Variants in COL5A1 observed in about 807,000 individuals in gnomAD.
COL5A1 encodes the protein collagen alpha-1(V) chain.
COL5A1 carries 16 observed loss-of-function variants against 263.7 expected under a neutral mutation model. The observed-to-expected ratio is 0.06, with a 90% confidence interval of 0.04 to 0.09. The LOEUF is 0.09. Ranked by LOEUF, COL5A1 falls within the 10% of genes least tolerant of loss-of-function variation. The probability of loss-of-function intolerance (pLI) is 1.00; values close to 1 mark genes in which losing one functional copy is unlikely to be tolerated. For synonymous variants in COL5A1, 1,012 were observed against 1,004.5 expected (o/e 1.01, Z -0.14); for missense variants, 2,036 against 2,540.5 (o/e 0.80, Z 4.27).
At chr9:134,759,477 CCACA>C (rs547817958) in intron 18 of COL5A1, among the ~76,000 whole-genome samples, 3 of 102,802 alleles carry the variant, frequency 2.9e-5, no homozygotes, top group East Asian at 4.6e-4. Flanking sequence ...GCACACACAC[CCACA>C]CACACCCACA....
chr9:134,791,729 C>G (rs1022315096), intron 32 of COL5A1, among the ~76,000 whole-genome samples: 1 of 135,756 alleles, frequency 7.4e-6, no homozygotes, highest in South Asian at 2.4e-4. Flanking sequence ...CGCCCTTGGC[C>G]GCCCTTCTTT....
chr9:134,726,691 G>C lies in COL5A1; in HGVS notation c.655-575G>C, dbSNP rs1834666865. Among the ~76,000 whole-genome samples the C allele has an allele frequency of 2.6e-5, 4 of 151,240 alleles. No homozygotes were observed. In the South Asian group the frequency reaches 8.4e-4, roughly 32 times the overall value. The stretch of plus-strand genomic sequence containing the variant: ...GAATGGATGGATGGGTGAATGGATG[G>C]AAGGACTGGTAGATGTAGATGGATA... On this transcript the variant is annotated intron_variant, in intron 4 of 65. Transcript: ENST00000371817.
chr9:134,792,881 ACGTGTGTGTGCGCGCGTGTGTGCACG>A (rs1222331134), intron 32 of COL5A1, among the ~76,000 whole-genome samples: 1 of 30,506 alleles, frequency 3.3e-5, no homozygotes, highest in East Asian at 4.5e-4. Context: ...GTTTGTGCAC[ACGTGTGTGTGCGCGCGTGTGTGCACG>A]CGCGTGTGTG....
chr9:134,785,147 C>T (rs1485070803), intron 30 of COL5A1, 51 bp downstream of exon 30: 2 of 1,482,364 alleles, frequency 1.3e-6, no homozygotes, highest in South Asian at 1.1e-5. Flanking sequence ...TCTGACAGGC[C>T]CTTCCCCATG....
In COL5A1 at chr9:134,754,074, G is replaced by A. The variant is rs1835888303; in HGVS notation, c.1773+171G>A. On this transcript the variant is annotated intron_variant, in intron 15 of 65. Transcript: ENST00000371817. This position sits in a 1 kb window ranked among gnomAD's most constrained non-coding sequence, Gnocchi z 4.3. ...GAGCACAATGAACTCTGACACCTGC[G>A]GCAGAAATGAGCTGGCTGTATTCTG... Among the ~76,000 whole-genome samples, 4 of 152,334 alleles carry A rather than the reference G, an allele frequency of 2.6e-5. No homozygotes were observed. The highest frequency in any genetic ancestry group is 7.2e-5 in the African/African-American group (3 of 41,582).
intron 37 of COL5A1, among the ~76,000 whole-genome samples, chr9:134,800,388 C>T (rs375100769): frequency 3.9e-5 from 6 of 152,186 alleles, no homozygotes; most frequent in South Asian, 2.1e-4. Flanking sequence ...ACATTAGAAA[C>T]GATCATTCTA....
Position 134,835,097 on chromosome 9 carries a change from G to A in COL5A1, c.5263G>A (p.Ala1755Thr), listed in dbSNP as rs776748227. Residue 1755 changes from alanine to threonine, a missense_variant, in exon 65 of 66, where the codon GCA becomes ACA. Ala to Thr is a moderately conservative substitution (Grantham distance 58). Transcript: ENST00000371817. ...CTACCAGTCAGTGGCCTGGCAGGAC[G>A]CAGCCACGGGCAGCTACGACAAGGC... ...HCYQSVAWQD[A>T]ATGSYDKALR... 136 of 1,613,470 alleles carry A rather than the reference G, an allele frequency of 8.4e-5. 2 individuals carry two copies. The East Asian group carries it at 2.6e-3, about 31-fold the overall frequency.
intron 4 of COL5A1, among the ~76,000 whole-genome samples, chr9:134,712,674 TCTG>T: frequency 7.8e-6 from 1 of 128,168 alleles, no homozygotes; most frequent in South Asian, 3.1e-4. Flanking sequence ...ACCCCTTCCT[TCTG>T]CCCTCCTCCA....
At position 134,665,547 on chromosome 9, in the gene COL5A1, G is replaced by A. The variant is rs111719942; in HGVS notation, c.109+23251G>A. ...GGGATGCATACAAATTGGGACTCGT[G>A]TGTAGTTTCTGTAGAGTGGACGGCT... On this transcript the variant is annotated intron_variant, in intron 1 of 65. Coordinates refer to ENST00000371817, the MANE Select transcript of COL5A1 (RefSeq NM_000093.5). Among the ~76,000 whole-genome samples the A allele has an allele frequency of 4.6e-3, 707 of 152,366 alleles. 4 individuals are homozygous for A. Among genetic ancestry groups the A allele is most frequent in the African/African-American group, 0.016 (676 of 41,588 alleles).
Position 134,681,964 on chromosome 9 carries a change from T to C in COL5A1, c.110-8948T>C, listed in dbSNP as rs1832872381. On this transcript the variant is annotated intron_variant, in intron 1 of 65. Coordinates refer to ENST00000371817, the MANE Select transcript of COL5A1 (RefSeq NM_000093.5). This position sits in a 1 kb window ranked among gnomAD's most constrained non-coding sequence, Gnocchi z 4.3. The stretch of plus-strand genomic sequence containing the variant: ...CTCTCTCCCCATCTCTCCCTCCCTC[T>C]CTCTCTCTCTTGCTCTCTGTCTGTC... Among the ~76,000 whole-genome samples the C allele has an allele frequency of 6.6e-6, 1 of 152,024 alleles. No homozygotes were observed. Among genetic ancestry groups the C allele is most frequent in the Non-Finnish European group, 1.5e-5 (1 of 67,994 alleles).
chr9:134,829,482 G>A (rs1411052112), intron 63 of COL5A1, among the ~76,000 whole-genome samples: 1 of 150,122 alleles, frequency 6.7e-6, no homozygotes, highest in Non-Finnish European at 1.5e-5. Context: ...GAGGGCCCAG[G>A]CCGGGCTCCT....
chr9:134,732,068 C>T lies in COL5A1; in HGVS notation c.1333-3C>T, dbSNP rs1238061655. ...CTTTCCATCTGCCTTTTATCACCCC[C>T]AGATTGGAGGACCTCGGGGCGAGAA... On this transcript the variant is annotated splice_polypyrimidine_tract_variant and splice_region_variant and intron_variant, in intron 8 of 65. Coordinates refer to ENST00000371817, the MANE Select transcript of COL5A1 (RefSeq NM_000093.5). 1 of 1,613,968 alleles carries T rather than the reference C, an allele frequency of 6.2e-7. No homozygotes were observed. The highest frequency in any genetic ancestry group is 8.5e-7 in the Non-Finnish European group (1 of 1,179,902).
intron 63 of COL5A1, among the ~76,000 whole-genome samples, chr9:134,828,779 TACAC>T (rs1170830813): frequency 1.4e-5 from 2 of 143,000 alleles, no homozygotes; most frequent in Admixed American, 7.0e-5. Flanking sequence ...ACATCACAGA[TACAC>T]ACCATACACA....
At chr9:134,717,683 T>C (rs1400632820) in intron 4 of COL5A1, among the ~76,000 whole-genome samples, 1 of 152,236 alleles carries the variant, frequency 6.6e-6, no homozygotes, top group Non-Finnish European at 1.5e-5. Context: ...ATGGACAACA[T>C]GCTTGCCGAC....
intron 11 of COL5A1, among the ~76,000 whole-genome samples, chr9:134,743,627 A>G (rs532075228): frequency 9.5e-4 from 145 of 152,276 alleles, no homozygotes; most frequent in African/African-American, 3.1e-3. Context: ...CTCCCTGCAC[A>G]GTGGGATGCA....
At chr9:134,670,367 C>T (rs1424199278) in intron 1 of COL5A1, among the ~76,000 whole-genome samples, 1 of 152,250 alleles carries the variant, frequency 6.6e-6, no homozygotes, top group African/African-American at 2.4e-5. Flanking sequence ...TTCCAACCAA[C>T]AGGCAGTTGT....
At position 134,813,738 on chromosome 9, in the gene COL5A1, A is replaced by G. The variant is rs1014064952; in HGVS notation, c.3853-245A>G. Among the ~76,000 whole-genome samples, 48 of 152,240 alleles carry G rather than the reference A, an allele frequency of 3.2e-4. 1 individual carries two copies. The highest frequency in any genetic ancestry group is 6.6e-4 in the Non-Finnish European group (45 of 68,038). On this transcript the variant is annotated intron_variant, in intron 48 of 65. Transcript: ENST00000371817. The stretch of plus-strand genomic sequence containing the variant: ...AACCCTTGGAGCAGCGCTCCGGGAA[A>G]GCCTTCACAGACAGTGTTGCTTGCA...
chr9:134,735,880 G>A (rs922505591), intron 9 of COL5A1, among the ~76,000 whole-genome samples: 3 of 152,282 alleles, frequency 2.0e-5, no homozygotes, highest in Non-Finnish European at 4.4e-5. Flanking sequence ...AGCTGGGGCA[G>A]GATGGGAGGG....
chr9:134,801,585 G>A (rs1342073233), intron 37 of COL5A1, among the ~76,000 whole-genome samples: 1 of 152,144 alleles, frequency 6.6e-6, no homozygotes, highest in African/African-American at 2.4e-5. Context: ...TCAGGAGTTC[G>A]AGGCCAGCCT....
Sources: allele counts gnomAD v4.1 joint callset (sites outside exome capture counted in the v4.1 genomes callset), GRCh38; gene constraint gnomAD v4.1.1; non-coding constraint Gnocchi (gnomAD v3.1); transcripts MANE v1.5; gene names NCBI Gene and HGNC (gene_info 2026-07-23, HGNC 2026-07-21).